RBM27: variants seen among roughly 807,000 people sequenced by gnomAD.
RBM27 encodes RNA binding motif protein 27, also known as RNA-binding protein 27.
RBM27 carries 22 observed loss-of-function variants against 135.3 expected under a neutral mutation model. That is an observed-to-expected ratio of 0.16 (90% confidence interval 0.12 to 0.23). The LOEUF is 0.23. RBM27 is among the 10% of genes least tolerant of loss of function. RBM27 has a pLI of 1.00. For missense variants in RBM27, 1,009 were observed against 1,281.0 expected, an observed-to-expected ratio of 0.79 and a Z score of 3.24; for synonymous variants, 481 against 442.4, an observed-to-expected ratio of 1.09 and a Z score of -1.10.
At chr5:146,256,642 C>T (rs1758118290) in intron 10 of RBM27, among the ~76,000 whole-genome samples, 1 of 152,120 alleles carries the variant, frequency 6.6e-6, no homozygotes, top group South Asian at 2.1e-4. Flanking sequence ...GCATGAGCCA[C>T]TGCACCCAGC....
chr5:146,258,061 C>T (rs773419883), intron 10 of RBM27, among the ~76,000 whole-genome samples: 3 of 152,142 alleles, frequency 2.0e-5, no homozygotes, highest in South Asian at 2.1e-4. Flanking sequence ...TCAGGTGATC[C>T]GCCCGCCTCG....
chr5:146,268,137 A>G (rs971467069), intron 15 of RBM27, among the ~76,000 whole-genome samples: 1 of 152,164 alleles, frequency 6.6e-6, no homozygotes, highest in African/African-American at 2.4e-5. Flanking sequence ...TCCAAATTAA[A>G]TAGATATTTA....
At position 146,217,778 on chromosome 5, in the gene RBM27, TGAGACAGG is replaced by T. The variant is rs1259410770; in HGVS notation, c.60-1205_60-1198del. ...TTTGTTTGTTTGTTTTTTGTTTCTT[TGAGACAGG>T]GTCTCACTCTGTCACCCAGGCTGGA... On this transcript the variant is annotated intron_variant, in intron 1 of 20. Coordinates refer to ENST00000265271, the MANE Select transcript of RBM27 (RefSeq NM_018989.2). 2.6e-5 allele frequency among the ~76,000 whole-genome samples: 4 copies of T among 152,016 alleles called. No individual in the cohort carries two copies. The East Asian group carries it at 7.7e-4, about 29-fold the overall frequency.
intron 4 of RBM27, among the ~76,000 whole-genome samples, chr5:146,229,321 T>C (rs1289351438): frequency 6.6e-6 from 1 of 152,224 alleles, no homozygotes; most frequent in Non-Finnish European, 1.5e-5. Context: ...TTAGGGGTGC[T>C]TAGTATTAAA....
intron 15 of RBM27, among the ~76,000 whole-genome samples, chr5:146,268,952 G>C (rs1758742190): frequency 6.6e-6 from 1 of 152,134 alleles, no homozygotes. Flanking sequence ...TCTTCATAAG[G>C]ACATTCAGGT....
intron 1 of RBM27, among the ~76,000 whole-genome samples, chr5:146,213,467 G>A (rs543136537): frequency 1.3e-5 from 2 of 151,866 alleles, no homozygotes; most frequent in South Asian, 2.1e-4. Context: ...TTTAAGCTGT[G>A]GCTCAGAAGC....
At chr5:146,269,615 G>A (rs781192508) in intron 17 of RBM27, 31 bp downstream of exon 17, 1 of 1,441,648 alleles carries the variant, frequency 6.9e-7, no homozygotes, top group Non-Finnish European at 9.2e-7. Flanking sequence ...TTTAACATAG[G>A]GTTATTGAAC....
chr5:146,251,875 G>T lies in RBM27; in HGVS notation c.1444G>T (p.Asp482Tyr). 2 of 1,613,544 alleles carry T rather than the reference G, an allele frequency of 1.2e-6. No individual in the cohort carries two copies. The highest frequency in any genetic ancestry group is 1.7e-6 in the Non-Finnish European group (2 of 1,179,592). ...CTCCAGCCCTACCCCTCTGGTTCCA[G>T]GTAAGCTTTGCTACAGATGGCCATC... ...SVSSPTPLVP[D>Y]TYEPDGYNPE... Residue 482 changes from aspartate (D) to tyrosine (Y), a missense_variant and splice_region_variant, in exon 9 of 21, where the codon GAT becomes TAT. Transcript: ENST00000265271.
intron 19 of RBM27, among the ~76,000 whole-genome samples, chr5:146,281,146 G>A (rs1759336521): frequency 6.6e-6 from 1 of 152,012 alleles, no homozygotes; most frequent in Non-Finnish European, 1.5e-5. Flanking sequence ...CCCAGCCTTT[G>A]CAGTCTATTT....
At chr5:146,224,799 G>C (rs1043727280) in intron 3 of RBM27, among the ~76,000 whole-genome samples, 1 of 151,948 alleles carries the variant, frequency 6.6e-6, no homozygotes, top group African/African-American at 2.4e-5. Flanking sequence ...GGTTGGTCTC[G>C]AACTCCCACC....
chr5:146,251,862 C>G lies in RBM27; in HGVS notation c.1431C>G (p.Thr477=), dbSNP rs993674837. ...IGYHTSVSSP[T]PLVPDTYEPD... ...ACCATACCTCAGTCTCCAGCCCTAC[C>G]CCTCTGGTTCCAGGTAAGCTTTGCT... The change falls in exon 9 of 21, where the codon ACC becomes ACG. Residue 477 remains threonine, a synonymous_variant. Coordinates refer to ENST00000265271, the MANE Select transcript of RBM27 (RefSeq NM_018989.2). 2 of 1,614,054 alleles carry G rather than the reference C, an allele frequency of 1.2e-6. No homozygotes were observed. Among genetic ancestry groups the G allele is most frequent in the Admixed American group, 1.7e-5 (1 of 60,026 alleles).
chr5:146,214,228 A>G (rs1397365951), intron 1 of RBM27, among the ~76,000 whole-genome samples: 2 of 152,166 alleles, frequency 1.3e-5, no homozygotes, highest in African/African-American at 4.8e-5. Context: ...TCTAATCTCC[A>G]TGTTATAATA....
intron 3 of RBM27, among the ~76,000 whole-genome samples, chr5:146,226,638 C>T (rs1374172537): frequency 3.3e-5 from 5 of 151,940 alleles, no homozygotes; most frequent in Admixed American, 2.0e-4. Context: ...GCCTTGGCCT[C>T]GCAAAGTGCT....
intron 8 of RBM27, among the ~76,000 whole-genome samples, chr5:146,240,265 A>C (rs1390088807): frequency 6.6e-6 from 1 of 151,064 alleles, no homozygotes; most frequent in East Asian, 1.9e-4. Flanking sequence ...AATTCTAAGT[A>C]TACTTGGAAG....
intron 2 of RBM27, among the ~76,000 whole-genome samples, chr5:146,219,631 G>T (rs915256089): frequency 2.0e-5 from 3 of 152,144 alleles, no homozygotes; most frequent in African/African-American, 7.2e-5. Context: ...CCCCTCACTT[G>T]TTCCACTCTA....
intron 1 of RBM27, among the ~76,000 whole-genome samples, chr5:146,204,804 TGA>T (rs1284795017): frequency 6.6e-6 from 1 of 152,198 alleles, no homozygotes; most frequent in Non-Finnish European, 1.5e-5. Flanking sequence ...CCGAAAAGAA[TGA>T]GAGACCTGTC....
intron 12 of RBM27, 92 bp downstream of exon 12, chr5:146,260,990 T>G (rs996047697): frequency 7.9e-7 from 1 of 1,266,168 alleles, no homozygotes; most frequent in African/African-American, 1.5e-5. Flanking sequence ...GAGTCAGTGG[T>G]TATTCTGATC....
rs1758364034 is a variant in RBM27, at chr5:146,260,819, A to G, written c.1814A>G (p.Lys605Arg). ...NQYTNTKLEV[K>R]KIPQELNNIT... ...TATACAAACACCAAATTAGAAGTCA[A>G]GAAAATCCCTCAGGAATTGAACAAC... The change falls in exon 12 of 21, where the codon AAG (lysine) becomes AGG (arginine). Residue 605 changes from lysine to arginine, a missense_variant. By Grantham distance (26) the Lys-to-Arg change is conservative. Around this residue, in one of 6 missense-constraint regions of RBM27, gnomAD observed 34 missense variants for 82.8 expected, o/e 0.41. Coordinates refer to ENST00000265271, the MANE Select transcript of RBM27 (RefSeq NM_018989.2). 1.2e-6 allele frequency: 2 copies of G among 1,613,664 alleles called. No individual in the cohort carries two copies. Among genetic ancestry groups the G allele is most frequent in the Non-Finnish European group, 1.7e-6 (2 of 1,179,824 alleles).
intron 14 of RBM27, 99 bp from the exon 15 acceptor site, chr5:146,267,550 A>G (rs1364807879): frequency 4.0e-6 from 3 of 744,116 alleles, no homozygotes; most frequent in Non-Finnish European, 6.5e-6. Context: ...AACTCCTAAG[A>G]AGAGTAGAAA....
Sources: gnomAD v4.1 joint callset for allele counts (sites outside exome capture counted in the v4.1 genomes callset) on GRCh38, gnomAD v4.1.1 for gene constraint, gnomAD v4.1.1 regional missense constraint, MANE v1.5 for transcripts, NCBI Gene and HGNC (gene_info 2026-07-23, HGNC 2026-07-21) for gene names.